The following ALCAM variants were observed in gnomAD, a reference collection of about 807,000 sequenced individuals.
ALCAM encodes the protein CD166 antigen.
A neutral mutation model predicts 70.9 loss-of-function variants in ALCAM; 30 were observed. The ratio of observed to expected loss-of-function variants is 0.42; its 90% CI spans 0.32 to 0.57. The LOEUF (loss-of-function observed/expected upper bound fraction) is 0.57, where lower values mean the gene tolerates loss of function less well. Ranked by LOEUF, ALCAM falls within the 20% of genes least tolerant of loss-of-function variation. The pLI, the probability that ALCAM is intolerant of heterozygous loss-of-function variation, is 0.11. For missense variants in ALCAM, 591 were observed against 695.1 expected (o/e 0.85, Z 1.68); for synonymous variants, 249 against 242.5 (o/e 1.03, Z -0.25).
intron 14 of ALCAM, chr3:105,552,791 T>C (rs777859932): frequency 1.1e-5 from 15 of 1,371,994 alleles, no homozygotes; most frequent in African/African-American, 1.5e-5. Flanking sequence ...CTGTTTCACA[T>C]GTGTCCGTTT....
chr3:105,440,251 A>G (rs899856270), intron 1 of ALCAM, among the ~76,000 whole-genome samples: 6 of 152,228 alleles, frequency 3.9e-5, no homozygotes, highest in Admixed American at 2.6e-4. Context: ...AAGTCAAGAG[A>G]ACATGAACCA....
intron 1 of ALCAM, among the ~76,000 whole-genome samples, chr3:105,426,218 G>T (rs1446516092): frequency 6.6e-6 from 1 of 151,756 alleles, no homozygotes; most frequent in African/African-American, 2.4e-5. Flanking sequence ...AAATTAGAAG[G>T]TTAAATTAAA....
intron 1 of ALCAM, among the ~76,000 whole-genome samples, chr3:105,399,776 C>G (rs1559778103): frequency 6.6e-6 from 1 of 152,138 alleles, no homozygotes; most frequent in Non-Finnish European, 1.5e-5. Context: ...AAGAGCCAGT[C>G]AGTTCCCACA....
chr3:105,449,313 A>G (rs1409194595), intron 1 of ALCAM, among the ~76,000 whole-genome samples: 2 of 152,342 alleles, frequency 1.3e-5, no homozygotes, highest in East Asian at 3.9e-4. Flanking sequence ...TTTGTGAACA[A>G]AAAGCTTGCA....
intron 14 of ALCAM, among the ~76,000 whole-genome samples, chr3:105,568,113 T>C (rs1576246702): frequency 1.4e-5 from 2 of 147,922 alleles, no homozygotes; most frequent in African/African-American, 5.0e-5. Context: ...TAGGCTGGAG[T>C]GCAATGGTAC....
chr3:105,515,387 T>C (rs1939355624), intron 1 of ALCAM, among the ~76,000 whole-genome samples: 2 of 152,058 alleles, frequency 1.3e-5, no homozygotes, highest in African/African-American at 4.8e-5. Context: ...CATGTATCAT[T>C]CTGCTTCTAT....
intron 14 of ALCAM, among the ~76,000 whole-genome samples, chr3:105,562,529 C>A (rs1209354119): frequency 6.6e-6 from 1 of 152,088 alleles, no homozygotes; most frequent in Non-Finnish European, 1.5e-5. Context: ...TTGATGGATA[C>A]TATTTACTGA....
intron 1 of ALCAM, among the ~76,000 whole-genome samples, chr3:105,436,644 A>T (rs1477363281): frequency 2.0e-5 from 3 of 152,194 alleles, no homozygotes; most frequent in Non-Finnish European, 4.4e-5. Context: ...TAATAGTTCT[A>T]GCAAAAGTTC....
intron 1 of ALCAM, among the ~76,000 whole-genome samples, chr3:105,450,411 A>G (rs7651901): frequency 0.1 from 15,372 of 152,170 alleles, 872 homozygotes; most frequent in South Asian, 0.16. Context: ...TCCTAGGCCA[A>G]CTTTCATTTT....
At chr3:105,446,455 G>T (rs1937300242) in intron 1 of ALCAM, among the ~76,000 whole-genome samples, 1 of 152,122 alleles carries the variant, frequency 6.6e-6, no homozygotes, top group Non-Finnish European at 1.5e-5. Flanking sequence ...AAATCCAGCA[G>T]TTGCACTATG....
chr3:105,505,459 T>C (rs1408870664), intron 1 of ALCAM, among the ~76,000 whole-genome samples: 1 of 152,092 alleles, frequency 6.6e-6, no homozygotes, highest in Non-Finnish European at 1.5e-5. Flanking sequence ...CATAATCCAG[T>C]CACCTCCTAC....
At chr3:105,437,764 T>C (rs890410031) in intron 1 of ALCAM, among the ~76,000 whole-genome samples, 1 of 152,084 alleles carries the variant, frequency 6.6e-6, no homozygotes, top group Non-Finnish European at 1.5e-5. Context: ...ATTACAATAG[T>C]GTAAAACTCC....
intron 1 of ALCAM, among the ~76,000 whole-genome samples, chr3:105,408,635 G>A (rs1458118922): frequency 3.3e-5 from 5 of 151,912 alleles, no homozygotes; most frequent in Admixed American, 3.3e-4. Flanking sequence ...TAGACATTGA[G>A]TTAGGCAAAG....
intron 1 of ALCAM, among the ~76,000 whole-genome samples, chr3:105,471,602 G>T: frequency 6.6e-6 from 1 of 150,864 alleles, no homozygotes; most frequent in East Asian, 1.9e-4. Flanking sequence ...TTCATTTTGT[G>T]TTTTTTAATG....
At chr3:105,405,138 G>T (rs558239101) in intron 1 of ALCAM, among the ~76,000 whole-genome samples, 1 of 151,858 alleles carries the variant, frequency 6.6e-6, no homozygotes, top group Non-Finnish European at 1.5e-5. Flanking sequence ...TTAGCTGGGC[G>T]TGGTGGCACA....
intron 1 of ALCAM, among the ~76,000 whole-genome samples, chr3:105,481,153 C>T (rs1173377241): frequency 6.6e-6 from 1 of 151,902 alleles, no homozygotes; most frequent in African/African-American, 2.4e-5. Context: ...ATCTTTTACC[C>T]AGAAAGTTAA....
chr3:105,385,040 G>A (rs1935615213), intron 1 of ALCAM, among the ~76,000 whole-genome samples: 1 of 151,466 alleles, frequency 6.6e-6, no homozygotes, highest in African/African-American at 2.4e-5. Flanking sequence ...TTGAAAAAAT[G>A]TCACCCATTT....
chr3:105,405,378 C>T (rs1032074266), intron 1 of ALCAM, among the ~76,000 whole-genome samples: 2 of 150,056 alleles, frequency 1.3e-5, no homozygotes, highest in South Asian at 4.2e-4. Context: ...AATACATATG[C>T]ACCTAAGAGT....
chr3:105,565,033 A>T (rs1940711996), intron 14 of ALCAM, among the ~76,000 whole-genome samples: 1 of 152,146 alleles, frequency 6.6e-6, no homozygotes. Context: ...CTGTCTGGAA[A>T]GAAAAAAAAA....
Sources: allele counts gnomAD v4.1 joint callset (sites outside exome capture counted in the v4.1 genomes callset), GRCh38; gene constraint gnomAD v4.1.1; transcripts MANE v1.5; gene names NCBI Gene and HGNC (gene_info 2026-07-23, HGNC 2026-07-21).